The following TMEM123 variants were observed in gnomAD, a reference collection of about 807,000 sequenced individuals.
The protein encoded by TMEM123 is porimin.
A neutral mutation model predicts 19.7 loss-of-function variants in TMEM123; 16 were observed. That is an observed-to-expected ratio of 0.81 (90% CI 0.55 to 1.23). TMEM123 has a LOEUF of 1.23. TMEM123 is among the 50% of genes most tolerant of loss of function. TMEM123 has a pLI of 0.00. For missense variants in TMEM123, 313 were observed against 257.8 expected, an observed-to-expected ratio of 1.21 and a Z score of -1.47; for synonymous variants, 118 against 99.4, an observed-to-expected ratio of 1.19 and a Z score of -1.12.
chr11:102,449,242 G>T, intron 1 of TMEM123: 1 of 188,312 alleles, frequency 5.3e-6, no homozygotes, highest in Non-Finnish European at 1.1e-5. Context: ...TTCAGGAGAG[G>T]CCGATTCTAC....
intron 2 of TMEM123, among the ~76,000 whole-genome samples, chr11:102,441,617 T>C (rs1259232989): frequency 4.6e-5 from 7 of 151,160 alleles, no homozygotes; most frequent in African/African-American, 1.5e-4. Context: ...GACACCCTAA[T>C]ATCACAATTA....
intron 2 of TMEM123, among the ~76,000 whole-genome samples, chr11:102,412,295 G>A (rs1591556431): frequency 6.6e-6 from 1 of 152,266 alleles, no homozygotes; most frequent in East Asian, 1.9e-4. Context: ...GGGCATGGTG[G>A]CGCATGCCTG....
chr11:102,452,630 G>C lies in TMEM123; in HGVS notation c.-7C>G, dbSNP rs368762409. ...CTCGCGCGCCGAGTCCCATTGTTCC[G>C]AGGGCAGGATGCGGCAGCCTCGTGG... On this transcript the variant is annotated 5_prime_UTR_variant, in exon 1 of 5. Coordinates refer to ENST00000398136, the MANE Select transcript of TMEM123 (RefSeq NM_052932.3). 1.0e-5 allele frequency: 16 copies of C among 1,527,698 alleles called. No individual in the cohort carries two copies. Among genetic ancestry groups the C allele is most frequent in the Non-Finnish European group, 1.4e-5 (16 of 1,138,076 alleles). 94.6% of individuals were successfully genotyped at this position (1,527,698 alleles called of 1,614,324 possible). A position where few individuals can be genotyped will look rare whatever the true frequency, so the allele number is the denominator to read the frequency against.
chr11:102,426,636 T>C (rs531749123), intron 2 of TMEM123, among the ~76,000 whole-genome samples: 29 of 152,282 alleles, frequency 1.9e-4, no homozygotes, highest in African/African-American at 6.5e-4. Flanking sequence ...GCAATTTCTT[T>C]ACAATAATTT....
chr11:102,404,278 A>AT (rs1951935604), intron 2 of TMEM123, among the ~76,000 whole-genome samples: 1 of 151,960 alleles, frequency 6.6e-6, no homozygotes, highest in Non-Finnish European at 1.5e-5. Context: ...AGACAGATTG[A>AT]TATTTATTTA....
At chr11:102,400,894 G>A (rs749114969) in intron 4 of TMEM123, among the ~76,000 whole-genome samples, 2 of 152,030 alleles carry the variant, frequency 1.3e-5, no homozygotes, top group East Asian at 1.9e-4. Flanking sequence ...AAGACAACAC[G>A]TAAGACTCAA....
intron 4 of TMEM123, 63 bp from the exon 5 acceptor site, chr11:102,398,954 C>T (rs1434118947): frequency 1.4e-6 from 2 of 1,434,842 alleles, no homozygotes; most frequent in Non-Finnish European, 1.9e-6. Context: ...TACTTATGTT[C>T]CTATTTGTTA....
Position 102,452,665 on chromosome 11 carries a change from C to A in TMEM123, c.-42G>T. ...TGCGGCAGCCTCGTGGGCTCCCAGC[C>A]GAGGTGGCGGCGGCGAGAGCGGCTC... On this transcript the variant is annotated 5_prime_UTR_variant, in exon 1 of 5. Transcript: ENST00000398136. The A allele has an allele frequency of 7.2e-7, 1 of 1,397,642 alleles. No homozygotes were observed. The highest frequency in any genetic ancestry group is 9.4e-7 in the Non-Finnish European group (1 of 1,064,908). 86.6% of individuals were successfully genotyped at this position (1,397,642 alleles called of 1,614,324 possible).
At chr11:102,437,914 C>T (rs1857781611) in intron 2 of TMEM123, among the ~76,000 whole-genome samples, 1 of 152,154 alleles carries the variant, frequency 6.6e-6, no homozygotes, top group African/African-American at 2.4e-5. Context: ...TGGCTCCTTC[C>T]TGTCATGCAG....
In TMEM123 at chr11:102,441,189, C is replaced by T. The variant is rs180978036; in HGVS notation, c.157+7623G>A. Among the ~76,000 whole-genome samples the T allele has an allele frequency of 2.6e-3, 402 of 152,250 alleles. 4 individuals are homozygous for T. The highest frequency in any genetic ancestry group is 9.1e-3 in the African/African-American group (379 of 41,542). On this transcript the variant is annotated intron_variant, in intron 2 of 4. Coordinates refer to ENST00000398136, the MANE Select transcript of TMEM123 (RefSeq NM_052932.3). ...GACTTGAACTCAGCTCTGCACCAAGCGGACCTAATAGACATCTACAGAACT... is the reference window on the plus strand; with the variant it reads ...GACTTGAACTCAGCTCTGCACCAAGTGGACCTAATAGACATCTACAGAACT...
intron 2 of TMEM123, among the ~76,000 whole-genome samples, chr11:102,443,104 G>GAA (rs202201377): frequency 0.011 from 1,745 of 152,284 alleles, 34 homozygotes; most frequent in African/African-American, 0.038. Context: ...TCAATATCGT[G>GAA]AAAATGGCCA....
chr11:102,425,900 T>C (rs1485804627), intron 2 of TMEM123, among the ~76,000 whole-genome samples: 1 of 152,152 alleles, frequency 6.6e-6, no homozygotes, highest in Admixed American at 6.5e-5. Flanking sequence ...GAAAGTAAGC[T>C]CTCCCTCTTC....
intron 4 of TMEM123, among the ~76,000 whole-genome samples, chr11:102,399,469 T>C (rs898763318): frequency 3.9e-5 from 6 of 152,096 alleles, no homozygotes; most frequent in African/African-American, 1.4e-4. Flanking sequence ...GTTTCTTTTA[T>C]GTATTCTTTC....
At chr11:102,447,368 G>C (rs1186773039) in intron 2 of TMEM123, among the ~76,000 whole-genome samples, 1 of 152,296 alleles carries the variant, frequency 6.6e-6, no homozygotes, top group South Asian at 2.1e-4. Flanking sequence ...TCCTGAATGT[G>C]ACACTTAGTG....
intron 4 of TMEM123, among the ~76,000 whole-genome samples, chr11:102,399,698 G>A (rs944129522): frequency 1.3e-5 from 2 of 152,156 alleles, no homozygotes; most frequent in Admixed American, 6.5e-5. Context: ...GGCCAGATAT[G>A]GTGGCTCACG....
chr11:102,411,822 G>T (rs889132649), intron 2 of TMEM123, among the ~76,000 whole-genome samples: 6 of 152,162 alleles, frequency 3.9e-5, no homozygotes, highest in Admixed American at 2.0e-4. Flanking sequence ...TTCTATCAAA[G>T]TGTCAGACAC....
intron 2 of TMEM123, among the ~76,000 whole-genome samples, chr11:102,416,517 A>T (rs1667525305): frequency 1.3e-5 from 2 of 151,504 alleles, no homozygotes; most frequent in African/African-American, 2.4e-5. Flanking sequence ...AATCAGTAAT[A>T]AAAAAAAATC....
chr11:102,416,452 C>A (rs1215807267), intron 2 of TMEM123, among the ~76,000 whole-genome samples: 2 of 152,024 alleles, frequency 1.3e-5, no homozygotes, highest in Non-Finnish European at 2.9e-5. Context: ...CCTCCCAAGA[C>A]TGAACCAAGA....
rs967945123 is a variant in TMEM123, at chr11:102,438,520, C to T, written c.157+10292G>A. ...TGACTAACGGAGTGGGCAGTCCAAACTAACAGCTGTTCACTGAGTAAGTGA... is the reference window on the plus strand; with the variant it reads ...TGACTAACGGAGTGGGCAGTCCAAATTAACAGCTGTTCACTGAGTAAGTGA... On this transcript the variant is annotated intron_variant, in intron 2 of 4. Transcript: ENST00000398136. Among the ~76,000 whole-genome samples the T allele has an allele frequency of 1.2e-4, 18 of 152,316 alleles. 1 individual carries two copies. The highest frequency in any genetic ancestry group is 2.9e-4 in the African/African-American group (12 of 41,562).
Sources: allele counts gnomAD v4.1 joint callset (sites outside exome capture counted in the v4.1 genomes callset), GRCh38; gene constraint gnomAD v4.1.1; transcripts MANE v1.5; gene names NCBI Gene and HGNC (gene_info 2026-07-23, HGNC 2026-07-21).